The following MACROD1 variants were observed in gnomAD, a reference collection of about 807,000 sequenced individuals.
MACROD1 encodes the protein ADP-ribose glycohydrolase MACROD1.
In MACROD1, 31 loss-of-function variants were observed where a neutral mutation model predicts 41.4. The ratio of observed to expected loss-of-function variants is 0.75; its 90% CI spans 0.56 to 1.01. MACROD1 has a LOEUF of 1.01. Among genes scored for constraint, MACROD1 ranks in the 50% least tolerant of loss-of-function variants. The pLI is 0.00. For missense variants in MACROD1, 473 were observed against 460.0 expected (o/e 1.03, Z -0.26); for synonymous variants, 252 against 203.4 (o/e 1.24, Z -2.03).
In MACROD1 at chr11:64,032,261, T is replaced by C. The variant is rs371399984; in HGVS notation, c.518-16980A>G. Among the ~76,000 whole-genome samples, 5 of 152,362 alleles carry C rather than the reference T, an allele frequency of 3.3e-5. No homozygotes were observed. The East Asian group carries it at 9.6e-4, about 29-fold the overall frequency. ...TAATGGTGAGTCATATTGTATACTTTGTATACTTCACTGTATACGAAGCAC... is the reference window on the plus strand; with the variant it reads ...TAATGGTGAGTCATATTGTATACTTCGTATACTTCACTGTATACGAAGCAC... On this transcript the variant is annotated intron_variant, in intron 3 of 10. Transcript: ENST00000255681.
intron 3 of MACROD1, among the ~76,000 whole-genome samples, chr11:64,085,907 A>G (rs532632863): frequency 6.7e-6 from 1 of 149,628 alleles, no homozygotes; most frequent in African/African-American, 2.5e-5. Context: ...CTCAGGGGCC[A>G]CCCCACCCCC....
chr11:64,146,742 A>G lies in MACROD1; in HGVS notation c.517+4497T>C, dbSNP rs2134692652. 6.6e-6 allele frequency among the ~76,000 whole-genome samples: 1 copy of G among 152,136 alleles called. No individual in the cohort carries two copies. The highest frequency in any genetic ancestry group is 2.4e-5 in the African/African-American group (1 of 41,498). On this transcript the variant is annotated intron_variant, in intron 3 of 10. Transcript: ENST00000255681. The surrounding 1 kb of genome is among the most constrained non-coding windows in gnomAD (Gnocchi z 4.7). ...CACACCCCATGCATCACACAAGCAC[A>G]GACACACACACATCACGCACACACA...
rs373333670 is a variant in MACROD1, at chr11:64,102,234, C to T, written c.517+49005G>A. ...GGGGAATACAGACACCAGGGCGCCGCGGCCCTTCCACATGCCGCACTAATG... is the reference window on the plus strand; with the variant it reads ...GGGGAATACAGACACCAGGGCGCCGTGGCCCTTCCACATGCCGCACTAATG... On this transcript the variant is annotated intron_variant, in intron 3 of 10. Transcript: ENST00000255681. 1.4e-4 allele frequency among the ~76,000 whole-genome samples: 21 copies of T among 152,308 alleles called. No individual in the cohort carries two copies. The South Asian group carries it at 1.9e-3, about 14-fold the overall frequency.
intron 3 of MACROD1, among the ~76,000 whole-genome samples, chr11:64,110,996 G>A (rs1253861197): frequency 1.3e-5 from 2 of 152,200 alleles, no homozygotes; most frequent in African/African-American, 4.8e-5. Flanking sequence ...AGATGGATGA[G>A]GCCCACAGAC....
At chr11:64,011,660 C>T (rs970051571) in intron 4 of MACROD1, among the ~76,000 whole-genome samples, 2 of 151,872 alleles carry the variant, frequency 1.3e-5, no homozygotes, top group South Asian at 2.1e-4. Context: ...GGCTGCGGGA[C>T]GAAGACATGG....
intron 1 of MACROD1, among the ~76,000 whole-genome samples, chr11:64,164,896 G>A (rs1046829535): frequency 1.4e-4 from 22 of 152,302 alleles, no homozygotes; most frequent in African/African-American, 3.8e-4. Flanking sequence ...GCTCAGTAGC[G>A]GCAGCTTGGG....
chr11:64,028,368 C>T (rs1010252973), intron 3 of MACROD1, among the ~76,000 whole-genome samples: 1 of 152,268 alleles, frequency 6.6e-6, no homozygotes, highest in Non-Finnish European at 1.5e-5. Flanking sequence ...GCCCCCCTGG[C>T]CTGGGCGCCT....
intron 1 of MACROD1, among the ~76,000 whole-genome samples, chr11:64,164,700 A>G (rs1391986294): frequency 6.6e-6 from 1 of 151,944 alleles, no homozygotes; most frequent in Admixed American, 6.6e-5. Context: ...TTCACCCCTA[A>G]CACCGCAGGA....
chr11:64,152,315 G>C lies in MACROD1; in HGVS notation c.377C>G (p.Pro126Arg), dbSNP rs777598999. ...ACCTTTCGCCATCTCCTTCCATGTC[G>C]GGATCTTCTTCAGCCTGACAAAGTC... ...CKDFVRLKKI[P>R]TWKEMAKGVA... Residue 126 changes from proline to arginine, a missense_variant, in exon 2 of 11, where the codon CCG becomes CGG. By Grantham distance (103) the Pro-to-Arg change is moderately radical. Transcript: ENST00000255681. 2 of 1,614,172 alleles carry C rather than the reference G, an allele frequency of 1.2e-6. No homozygotes were observed. Among genetic ancestry groups the C allele is most frequent in the South Asian group, 1.1e-5 (1 of 91,088 alleles).
intron 1 of MACROD1, among the ~76,000 whole-genome samples, chr11:64,157,023 G>A (rs768213679): frequency 2.6e-5 from 4 of 152,116 alleles, no homozygotes; most frequent in Non-Finnish European, 5.9e-5. Flanking sequence ...CGCCCGCCAG[G>A]CCCCTCTTTG....
In MACROD1 at chr11:64,015,186, G is replaced by A. The variant is rs116687801; in HGVS notation, c.547+66C>T. ...GATGGGCACCGAGGGCGAGGGGCAGGGGAGGAGCAGACCCAGCAGGGGAGA... is the reference window on the plus strand; with the variant it reads ...GATGGGCACCGAGGGCGAGGGGCAGAGGAGGAGCAGACCCAGCAGGGGAGA... On this transcript the variant is annotated intron_variant, in intron 4 of 10. Coordinates refer to ENST00000255681, the MANE Select transcript of MACROD1 (RefSeq NM_014067.4). The A allele has an allele frequency of 2.1e-3, 3,154 of 1,491,616 alleles. 49 individuals are homozygous for A. In the African/African-American group the frequency reaches 0.04, roughly 19 times the overall value. 92.4% of individuals were successfully genotyped at this position (1,491,616 alleles called of 1,614,324 possible).
intron 3 of MACROD1, among the ~76,000 whole-genome samples, chr11:64,065,789 C>CAAAA (rs58096977): frequency 4.4e-5 from 3 of 67,558 alleles, no homozygotes; most frequent in African/African-American, 1.3e-4. Flanking sequence ...GACTCCGCCT[C>CAAAA]AAAAAAAAAA....
At chr11:64,005,022 C>CTTTA (rs60973367) in intron 4 of MACROD1, among the ~76,000 whole-genome samples, 84 of 147,668 alleles carry the variant, frequency 5.7e-4, no homozygotes, top group South Asian at 1.5e-3. Flanking sequence ...CTAAGATCCA[C>CTTTA]TTTATTTATT....
intron 3 of MACROD1, among the ~76,000 whole-genome samples, chr11:64,020,684 A>G (rs1256383338): frequency 6.6e-6 from 1 of 151,920 alleles, no homozygotes; most frequent in East Asian, 1.9e-4. Context: ...TGGGGGGGCC[A>G]TGAATCACTA....
intron 3 of MACROD1, among the ~76,000 whole-genome samples, chr11:64,084,220 G>A (rs1430088479): frequency 6.6e-6 from 1 of 152,156 alleles, no homozygotes; most frequent in East Asian, 1.9e-4. Context: ...CCAGGCCTGG[G>A]GCAAAGCAGT....
chr11:64,073,650 C>T (rs1944148154), intron 3 of MACROD1, among the ~76,000 whole-genome samples: 1 of 152,170 alleles, frequency 6.6e-6, no homozygotes, highest in Non-Finnish European at 1.5e-5. Flanking sequence ...TACGTCTGGG[C>T]CGGGAGCCTG....
intron 3 of MACROD1, among the ~76,000 whole-genome samples, chr11:64,097,889 T>C (rs763375255): frequency 3.9e-5 from 6 of 152,070 alleles, no homozygotes; most frequent in Non-Finnish European, 7.4e-5. Context: ...TCCATGGCTC[T>C]CTTGGTGGTG....
At chr11:64,162,575 G>T (rs1159771816) in intron 1 of MACROD1, among the ~76,000 whole-genome samples, 6 of 152,126 alleles carry the variant, frequency 3.9e-5, no homozygotes, top group African/African-American at 1.2e-4. Context: ...AGCACTTTGG[G>T]AGGCTGAGGC....
At position 64,077,381 on chromosome 11, in the gene MACROD1, G is replaced by A. The variant is rs78918469; in HGVS notation, c.518-62100C>T. 0.01 allele frequency among the ~76,000 whole-genome samples: 1,567 copies of A among 152,298 alleles called. 140 individuals carry two copies. The East Asian group carries it at 0.23, about 22-fold the overall frequency. ...GGGAATTGGGGGCCCCTGTCACGGG[G>A]CTGCCCTGCCCTCTGTCCCTCCCCA... On this transcript the variant is annotated intron_variant, in intron 3 of 10. Coordinates refer to ENST00000255681, the MANE Select transcript of MACROD1 (RefSeq NM_014067.4).
Sources: gnomAD v4.1 joint callset for allele counts (sites outside exome capture counted in the v4.1 genomes callset) on GRCh38, gnomAD v4.1.1 for gene constraint, Gnocchi (gnomAD v3.1) non-coding constraint, MANE v1.5 for transcripts, NCBI Gene and HGNC (gene_info 2026-07-23, HGNC 2026-07-21) for gene names.